The following GOLPH3L variants were observed in gnomAD, a reference collection of about 807,000 sequenced individuals.
GOLPH3L encodes golgi phosphoprotein 3 like.
Under a neutral mutation model 30.3 loss-of-function variants are expected in GOLPH3L, and 22 were observed. The ratio of observed to expected loss-of-function variants is 0.73; its 90% CI spans 0.52 to 1.04. The LOEUF is 1.04. Among genes scored for constraint, GOLPH3L ranks in the 50% least tolerant of loss-of-function variants. The probability of loss-of-function intolerance (pLI) is 0.00; values close to 1 mark genes in which losing one functional copy is unlikely to be tolerated. For synonymous variants in GOLPH3L, 120 were observed against 128.2 expected, an observed-to-expected ratio of 0.94 and a Z score of 0.43; for missense variants, 303 against 345.8, an observed-to-expected ratio of 0.88 and a Z score of 0.98.
intron 2 of GOLPH3L, 37 bp from the exon 3 acceptor site, chr1:150,663,800 G>C (rs587622058): frequency 1.3e-6 from 2 of 1,599,156 alleles, no homozygotes; most frequent in Non-Finnish European, 1.7e-6. Context: ...AGAATGTTTT[G>C]AGAGGAATAC....
chr1:150,653,298 AT>A lies in GOLPH3L; in HGVS notation c.431-4551del, dbSNP rs750465136. On this transcript the variant is annotated intron_variant, in intron 4 of 4. Coordinates refer to ENST00000271732, the MANE Select transcript of GOLPH3L (RefSeq NM_018178.6). ...ACTTGGTATAAATCTTTTTTTTTTT[AT>A]TTTTTTTTTTTTTTGAGACGGAGTC... is the stretch of plus-strand genomic sequence containing the variant. Among the ~76,000 whole-genome samples, 249 of 137,300 alleles carry A rather than the reference AT, an allele frequency of 1.8e-3. 3 individuals are homozygous for A. The South Asian group carries it at 0.024, about 13-fold the overall frequency. 90.1% of individuals were successfully genotyped at this position (137,300 alleles called of 152,430 possible).
At chr1:150,677,404 G>A (rs1650837115) in intron 2 of GOLPH3L, among the ~76,000 whole-genome samples, 2 of 151,430 alleles carry the variant, frequency 1.3e-5, no homozygotes, top group African/African-American at 4.9e-5. Context: ...GCCTGGCTAA[G>A]TTTTTGTATT....
At chr1:150,665,704 C>T (rs1022592275) in intron 2 of GOLPH3L, among the ~76,000 whole-genome samples, 1 of 151,966 alleles carries the variant, frequency 6.6e-6, no homozygotes, top group Non-Finnish European at 1.5e-5. Flanking sequence ...TCATCATCAT[C>T]ATTATTATTT....
At chr1:150,661,151 C>T (rs1199923147) in intron 4 of GOLPH3L, among the ~76,000 whole-genome samples, 1 of 152,084 alleles carries the variant, frequency 6.6e-6, no homozygotes, top group Admixed American at 6.6e-5. Context: ...TTGCTTGAAC[C>T]CGGGAGGCAG....
rs1272355475 is a variant in GOLPH3L at position 150,694,189 on chromosome 1, A to G, written c.183+467T>C. The G allele has an allele frequency of 6.8e-6, 3 of 442,662 alleles. No homozygotes were observed. In the Admixed American group the frequency reaches 7.8e-5, roughly 12 times the overall value. The allele number at this position is 442,662 out of a possible 1,614,324, so 27.4% of individuals were successfully genotyped here. A position where few individuals can be genotyped will look rare whatever the true frequency, so the allele number is the denominator to read the frequency against. ...TGATATTTGCCTTATAAAGATGCACAGAGGAAAATAAAAAATTATTTCTGC... is the reference window on the plus strand; with the variant it reads ...TGATATTTGCCTTATAAAGATGCACGGAGGAAAATAAAAAATTATTTCTGC... On this transcript the variant is annotated intron_variant, in intron 2 of 4. Coordinates refer to ENST00000271732, the MANE Select transcript of GOLPH3L (RefSeq NM_018178.6).
intron 2 of GOLPH3L, among the ~76,000 whole-genome samples, chr1:150,669,662 C>T (rs1403773775): frequency 2.0e-5 from 3 of 152,040 alleles, no homozygotes; most frequent in Non-Finnish European, 4.4e-5. Context: ...AGATAGTGGA[C>T]TTTAATATAC....
chr1:150,649,769 C>T (rs1268649383), intron 4 of GOLPH3L, among the ~76,000 whole-genome samples: 1 of 152,132 alleles, frequency 6.6e-6, no homozygotes, highest in Non-Finnish European at 1.5e-5. Context: ...AGCACAACCA[C>T]TGAACCAACA....
At chr1:150,683,530 T>TAAAA (rs1557788420) in intron 2 of GOLPH3L, among the ~76,000 whole-genome samples, 1 of 27,600 alleles carries the variant, frequency 3.6e-5, no homozygotes, top group Non-Finnish European at 9.9e-5. Context: ...AGACTCTGTC[T>TAAAA]CAAAAAAAAA....
chr1:150,695,034 A>G (rs1167694141), intron 1 of GOLPH3L, among the ~76,000 whole-genome samples, 184 bp from the exon 2 acceptor site: 2 of 152,240 alleles, frequency 1.3e-5, no homozygotes, highest in Non-Finnish European at 2.9e-5. Flanking sequence ...CCAAAGTACA[A>G]TAGCTTGGAC....
intron 2 of GOLPH3L, among the ~76,000 whole-genome samples, chr1:150,680,706 G>A (rs199972500): frequency 2.6e-5 from 4 of 152,134 alleles, no homozygotes; most frequent in Non-Finnish European, 5.9e-5. Context: ...GGCTATTTAT[G>A]CCCAGCATTC....
chr1:150,667,062 A>G (rs1332385284), intron 2 of GOLPH3L, among the ~76,000 whole-genome samples: 1 of 152,138 alleles, frequency 6.6e-6, no homozygotes, highest in African/African-American at 2.4e-5. Context: ...GTGCCACACA[A>G]CTGGGAGCAC....
At chr1:150,686,163 G>A (rs1485838764) in intron 2 of GOLPH3L, among the ~76,000 whole-genome samples, 1 of 151,874 alleles carries the variant, frequency 6.6e-6, no homozygotes, top group Non-Finnish European at 1.5e-5. Context: ...GTGAGCTACC[G>A]CACCCAGCCA....
chr1:150,657,881 T>G (rs1167956472), intron 4 of GOLPH3L, among the ~76,000 whole-genome samples: 1 of 152,198 alleles, frequency 6.6e-6, no homozygotes, highest in African/African-American at 2.4e-5. Context: ...TTTAAATTTT[T>G]TGAGCCTGCC....
At chr1:150,683,699 C>CAAAAAAAAAAA (rs397981524) in intron 2 of GOLPH3L, among the ~76,000 whole-genome samples, 3 of 14,968 alleles carry the variant, frequency 2.0e-4, no homozygotes, top group East Asian at 3.0e-3. Flanking sequence ...GACTCTCTCT[C>CAAAAAAAAAAA]AAAAAAAAAA....
At chr1:150,683,307 C>T (rs1224773773) in intron 2 of GOLPH3L, among the ~76,000 whole-genome samples, 1 of 151,932 alleles carries the variant, frequency 6.6e-6, no homozygotes, top group East Asian at 1.9e-4. Flanking sequence ...AAGGCCGAGG[C>T]GGGCGGATCA....
At chr1:150,650,501 C>T (rs1467718251) in intron 4 of GOLPH3L, among the ~76,000 whole-genome samples, 5 of 152,164 alleles carry the variant, frequency 3.3e-5, no homozygotes, top group African/African-American at 4.8e-5. Flanking sequence ...GTTAGGAACC[C>T]GGCTGCACAG....
intron 2 of GOLPH3L, among the ~76,000 whole-genome samples, chr1:150,692,185 T>C (rs1238718473): frequency 6.6e-6 from 1 of 152,182 alleles, no homozygotes; most frequent in African/African-American, 2.4e-5. Context: ...TGGGAATCAA[T>C]TTAATATTTT....
chr1:150,673,896 A>T (rs1241575), intron 2 of GOLPH3L, among the ~76,000 whole-genome samples: 10,376 of 145,636 alleles, frequency 0.071, 1,236 homozygotes, highest in African/African-American at 0.25. Flanking sequence ...CTGTACTCCA[A>T]CCTGGGTGAC....
intron 4 of GOLPH3L, among the ~76,000 whole-genome samples, chr1:150,657,167 T>C (rs1650257928): frequency 6.6e-6 from 1 of 152,242 alleles, no homozygotes; most frequent in Admixed American, 6.5e-5. Context: ...TGACTTTATT[T>C]ACCCAGTTAG....
Sources: allele counts gnomAD v4.1 joint callset (sites outside exome capture counted in the v4.1 genomes callset), GRCh38; gene constraint gnomAD v4.1.1; transcripts MANE v1.5; gene names NCBI Gene and HGNC (gene_info 2026-07-23, HGNC 2026-07-21).